FOXP1: variants seen among roughly 807,000 people sequenced by gnomAD.
FOXP1 encodes forkhead box P1.
Under a neutral mutation model 98.2 loss-of-function variants are expected in FOXP1, and 15 were observed. The observed-to-expected ratio is 0.15, with a 90% CI of 0.10 to 0.24. The LOEUF is 0.24. Among genes scored for constraint, FOXP1 ranks in the 10% least tolerant of loss-of-function variants. The pLI is 1.00. For synonymous variants in FOXP1, 371 were observed against 314.5 expected, an observed-to-expected ratio of 1.18 and a Z score of -1.90; for missense variants, 633 against 848.5, an observed-to-expected ratio of 0.75 and a Z score of 3.15.
intron 5 of FOXP1, among the ~76,000 whole-genome samples, chr3:71,254,410 C>G (rs980131209): frequency 6.6e-6 from 1 of 152,142 alleles, no homozygotes; most frequent in Non-Finnish European, 1.5e-5. Context: ...TATTGTGGAC[C>G]GGCATTTGCT....
At chr3:70,992,365 A>G (rs1448101018) in intron 13 of FOXP1, among the ~76,000 whole-genome samples, 1 of 152,156 alleles carries the variant, frequency 6.6e-6, no homozygotes, top group Non-Finnish European at 1.5e-5. Context: ...ATATCCAGTT[A>G]CTTAGGCAGG....
At chr3:71,550,350 A>G (rs539972132) in intron 2 of FOXP1, among the ~76,000 whole-genome samples, 1 of 152,244 alleles carries the variant, frequency 6.6e-6, no homozygotes, top group Admixed American at 6.5e-5. Flanking sequence ...CCGTGAGCTA[A>G]TATGTTATAT....
At chr3:71,305,791 A>C (rs1203617493) in intron 4 of FOXP1, 1 of 152,666 alleles carries the variant, frequency 6.6e-6, no homozygotes, top group Non-Finnish European at 1.5e-5. Context: ...GACTGCTTTC[A>C]GGAGGCGCTC....
chr3:71,237,258 A>C (rs903308417), intron 5 of FOXP1, among the ~76,000 whole-genome samples: 2 of 150,828 alleles, frequency 1.3e-5, no homozygotes, highest in Non-Finnish European at 3.0e-5. Flanking sequence ...AAAAAAAAAA[A>C]AAAAAAAATT....
intron 7 of FOXP1, among the ~76,000 whole-genome samples, chr3:71,064,099 C>T (rs1207921687): frequency 1.3e-5 from 2 of 152,182 alleles, no homozygotes; most frequent in Non-Finnish European, 2.9e-5. Flanking sequence ...CTTAATTAAC[C>T]AGCCAAGTAA....
At position 71,511,619 on chromosome 3, in the gene FOXP1, G is replaced by A. The variant is rs538817707; in HGVS notation, c.-297-18064C>T. On this transcript the variant is annotated intron_variant, in intron 2 of 20. Coordinates refer to ENST00000649528, the MANE Select transcript of FOXP1 (RefSeq NM_001349338.3). Reference sequence around the variant, plus strand: ...GGCCATAAAAATATGCACTCAATTGGTGGCCCTGTATGAACACTGACTTCC... The same window carrying A: ...GGCCATAAAAATATGCACTCAATTGATGGCCCTGTATGAACACTGACTTCC... Among the ~76,000 whole-genome samples the A allele has an allele frequency of 8.5e-5, 13 of 152,204 alleles. 1 individual carries two copies. Among genetic ancestry groups the A allele is most frequent in the African/African-American group, 2.9e-4 (12 of 41,516 alleles).
At chr3:71,510,070 A>G (rs189400331) in intron 2 of FOXP1, among the ~76,000 whole-genome samples, 50 of 152,288 alleles carry the variant, frequency 3.3e-4, no homozygotes, top group African/African-American at 1.2e-3. Flanking sequence ...AATCCCAGCT[A>G]CCAGGGAGGC....
At chr3:71,398,091 C>T (rs1242894167) in intron 3 of FOXP1, among the ~76,000 whole-genome samples, 2 of 152,216 alleles carry the variant, frequency 1.3e-5, no homozygotes, top group African/African-American at 4.8e-5. Flanking sequence ...AAACACTCTT[C>T]GTACCACTCA....
At chr3:71,355,233 C>T (rs1401303659) in intron 4 of FOXP1, among the ~76,000 whole-genome samples, 2 of 152,232 alleles carry the variant, frequency 1.3e-5, no homozygotes. Flanking sequence ...CAGACTCTGA[C>T]TGATTCAACA....
At chr3:71,474,196 G>A (rs1241543868) in intron 3 of FOXP1, among the ~76,000 whole-genome samples, 1 of 152,058 alleles carries the variant, frequency 6.6e-6, no homozygotes, top group African/African-American at 2.4e-5. Flanking sequence ...TTTTCTCTCT[G>A]TGGCTTAAGC....
At chr3:71,032,713 C>T (rs1336556984) in intron 11 of FOXP1, among the ~76,000 whole-genome samples, 1 of 152,142 alleles carries the variant, frequency 6.6e-6, no homozygotes, top group African/African-American at 2.4e-5. Context: ...AGAATAACTG[C>T]ACAAAAAAGC....
chr3:71,112,245 C>T (rs1039464283), intron 7 of FOXP1, among the ~76,000 whole-genome samples: 1 of 152,150 alleles, frequency 6.6e-6, no homozygotes, highest in African/African-American at 2.4e-5. Flanking sequence ...ATTCTGAGTA[C>T]TATGAACTTT....
In FOXP1 at chr3:70,965,946, C is replaced by A. The variant is rs777876809; in HGVS notation, c.1833G>T (p.Glu611Asp). 1.9e-6 allele frequency: 3 copies of A among 1,614,032 alleles called. No individual in the cohort carries two copies. In the African/African-American group the frequency reaches 4.0e-5, roughly 22 times the overall value. The change falls in exon 20 of 21, where the codon GAG becomes GAT. Residue 611 changes from glutamate to aspartate, a missense_variant. Coordinates refer to ENST00000649528, the MANE Select transcript of FOXP1 (RefSeq NM_001349338.3). ...AIREELNGAM[E>D]HTNSNESDSS... Reference sequence around the variant, plus strand: ...TGTCACTCTCGTTGCTGTTGGTATGCTCCATTGCCCCGTTCAGCTCTTCCC... The same window carrying A: ...TGTCACTCTCGTTGCTGTTGGTATGATCCATTGCCCCGTTCAGCTCTTCCC...
At chr3:70,979,250 A>C (rs966633682) in intron 14 of FOXP1, among the ~76,000 whole-genome samples, 2 of 129,896 alleles carry the variant, frequency 1.5e-5, no homozygotes, top group Non-Finnish European at 3.1e-5. Context: ...ACTGCATTCC[A>C]GCCTGGGTGA....
intron 6 of FOXP1, among the ~76,000 whole-genome samples, chr3:71,126,761 C>T (rs1292798866): frequency 6.6e-6 from 1 of 150,610 alleles, no homozygotes; most frequent in African/African-American, 2.4e-5. Context: ...GAGATGGAGG[C>T]TGCAGTCGGC....
At chr3:70,983,527 A>T (rs1018865484) in intron 14 of FOXP1, among the ~76,000 whole-genome samples, 1 of 152,214 alleles carries the variant, frequency 6.6e-6, no homozygotes, top group African/African-American at 2.4e-5. Context: ...AAGAAAATGT[A>T]TAAAAATGAA....
chr3:71,549,802 A>C (rs2045630675), intron 2 of FOXP1, among the ~76,000 whole-genome samples: 1 of 150,638 alleles, frequency 6.6e-6, no homozygotes, highest in South Asian at 2.1e-4. Flanking sequence ...ACTTGCTGAA[A>C]GCCCTTGAGG....
chr3:71,135,888 C>T (rs775699197), intron 6 of FOXP1, among the ~76,000 whole-genome samples: 15 of 152,258 alleles, frequency 9.9e-5, no homozygotes, highest in Non-Finnish European at 1.9e-4. Context: ...GGAGTTGCAT[C>T]GACTATGCCT....
intron 7 of FOXP1, among the ~76,000 whole-genome samples, chr3:71,093,273 G>GAAAAAAAAAAAAAAATAAAAAAAA (rs34159878): frequency 7.5e-6 from 1 of 133,544 alleles, no homozygotes. Context: ...AAATAAAAAT[G>GAAAAAAAAAAAAAAATAAAAAAAA]AAAAAAAAAA....
Sources: gnomAD v4.1 joint callset for allele counts (sites outside exome capture counted in the v4.1 genomes callset) on GRCh38, gnomAD v4.1.1 for gene constraint, MANE v1.5 for transcripts, NCBI Gene and HGNC (gene_info 2026-07-23, HGNC 2026-07-21) for gene names.